Variants in CD58 observed in about 807,000 individuals in gnomAD.
The protein encoded by CD58 is CD58 molecule.
CD58 carries 14 observed loss-of-function variants against 27.6 expected under a neutral mutation model. The observed-to-expected ratio is 0.51, with a 90% CI of 0.34 to 0.79. CD58 has a LOEUF of 0.79. Ranked by LOEUF, CD58 falls within the 30% of genes least tolerant of loss-of-function variation. The pLI, the probability that CD58 is intolerant of heterozygous loss-of-function variation, is 0.02. For missense variants in CD58, 268 were observed against 301.7 expected (o/e 0.89, Z 0.83); for synonymous variants, 117 against 103.8 (o/e 1.13, Z -0.77).
At chr1:116,568,824 G>C (rs1659031035) in intron 1 of CD58, among the ~76,000 whole-genome samples, 1 of 152,236 alleles carries the variant, frequency 6.6e-6, no homozygotes. Context: ...CTCAGGTGAG[G>C]AGTGGGGCCA....
At position 116,515,061 on chromosome 1, in the gene CD58, G is replaced by C. The variant is rs1389486176; in HGVS notation, c.744-239C>G. Among the ~76,000 whole-genome samples the C allele has an allele frequency of 6.6e-6, 1 of 152,168 alleles. No individual in the cohort carries two copies. The highest frequency in any genetic ancestry group is 1.5e-5 in the Non-Finnish European group (1 of 68,026). ...TGCTGCACTCAATAGCAGCCCCAAG[G>C]CTCCTCCCGCTTACTCTCTGAGTAT... On this transcript the variant is annotated intron_variant, in intron 5 of 5. Transcript: ENST00000369489. The surrounding 1 kb of genome is among the most constrained non-coding windows in gnomAD (Gnocchi z 4.6).
rs1190938061 is a variant in CD58, at chr1:116,531,441, GC to G, written c.628+4523del. On this transcript the variant is annotated intron_variant, in intron 3 of 5. Transcript: ENST00000369489. The surrounding 1 kb of genome is among the most constrained non-coding windows in gnomAD (Gnocchi z 4.5). The stretch of plus-strand genomic sequence containing the variant: ...AGATGCAGCACACATATACCAAAAG[GC>G]AAAAGCACACTGGTTTTATTTTTTG... Among the ~76,000 whole-genome samples the G allele has an allele frequency of 6.6e-6, 1 of 152,122 alleles. No individual in the cohort carries two copies. The highest frequency in any genetic ancestry group is 2.4e-5 in the African/African-American group (1 of 41,410).
Position 116,552,670 on chromosome 1 carries a change from C to A in CD58, c.71-8066G>T, listed in dbSNP as rs1410239105. On this transcript the variant is annotated intron_variant, in intron 1 of 5. Transcript: ENST00000369489. The surrounding 1 kb of genome is among the most constrained non-coding windows in gnomAD (Gnocchi z 4.5). ...TCAACTGGTATAGCTATACTTTATT[C>A]TTTTTAATAACTACATAATATTCCA... Among the ~76,000 whole-genome samples, 4 of 152,136 alleles carry A rather than the reference C, an allele frequency of 2.6e-5. No homozygotes were observed. Among genetic ancestry groups the A allele is most frequent in the Non-Finnish European group, 5.9e-5 (4 of 68,032 alleles).
chr1:116,528,543 G>A lies in CD58; in HGVS notation c.629-6560C>T, dbSNP rs1657496444. ...TTTTATGTTCTTGGTCCATAAATGT[G>A]TACAACAGTTGGAAACTGGTACTCT... is the stretch of plus-strand genomic sequence containing the variant. On this transcript the variant is annotated intron_variant, in intron 3 of 5. Coordinates refer to ENST00000369489, the MANE Select transcript of CD58 (RefSeq NM_001779.3). The surrounding 1 kb of genome is among the most constrained non-coding windows in gnomAD (Gnocchi z 4.4). Among the ~76,000 whole-genome samples the A allele has an allele frequency of 6.6e-6, 1 of 152,154 alleles. No individual in the cohort carries two copies. Among genetic ancestry groups the A allele is most frequent in the African/African-American group, 2.4e-5 (1 of 41,428 alleles).
At chr1:116,558,755 A>G (rs190086313) in intron 1 of CD58, among the ~76,000 whole-genome samples, 24 of 152,354 alleles carry the variant, frequency 1.6e-4, no homozygotes, top group African/African-American at 5.3e-4. Flanking sequence ...GCTCAGCCTC[A>G]GTAATAATAT....
At position 116,519,197 on chromosome 1, in the gene CD58, C is replaced by T. The variant is rs1260573090; in HGVS notation, c.743+34G>A. The T allele has an allele frequency of 6.2e-7, 1 of 1,611,394 alleles. No individual in the cohort carries two copies. Among genetic ancestry groups the T allele is most frequent in the Non-Finnish European group, 8.5e-7 (1 of 1,178,716 alleles). ...CATCTACAGCAGGGCTGCTGTTGTTCTGGCACAGAGTGCACAGCCTGCAGT... is the reference window on the plus strand; with the variant it reads ...CATCTACAGCAGGGCTGCTGTTGTTTTGGCACAGAGTGCACAGCCTGCAGT... On this transcript the variant is annotated intron_variant, in intron 5 of 5. Transcript: ENST00000369489. This position sits in a 1 kb window ranked among gnomAD's most constrained non-coding sequence, Gnocchi z 4.7.
chr1:116,514,625 A>G lies in CD58; in HGVS notation c.*188T>C, dbSNP rs1571052375. ...ACAAAAAAAGCAAGCACCTAGTCATATAATAAGTTGATGACAGCCAAAACT... is the reference window on the plus strand; with the variant it reads ...ACAAAAAAAGCAAGCACCTAGTCATGTAATAAGTTGATGACAGCCAAAACT... On this transcript the variant is annotated 3_prime_UTR_variant, in exon 6 of 6. Coordinates refer to ENST00000369489, the MANE Select transcript of CD58 (RefSeq NM_001779.3). 1.9e-6 allele frequency: 1 copy of G among 529,966 alleles called. No homozygotes were observed. Among genetic ancestry groups the G allele is most frequent in the Admixed American group, 3.8e-5 (1 of 26,268 alleles). The allele number at this position is 529,966 out of a possible 1,614,324, so 32.8% of individuals were successfully genotyped here.
Position 116,531,541 on chromosome 1 carries a change from G to A in CD58, c.628+4424C>T, listed in dbSNP as rs1657607991. ...CCATATCGTATGCCTTGGGTATTAT[G>A]TAACACTCAAAAGGTGGAATTAATA... On this transcript the variant is annotated intron_variant, in intron 3 of 5. Coordinates refer to ENST00000369489, the MANE Select transcript of CD58 (RefSeq NM_001779.3). The surrounding 1 kb of genome is among the most constrained non-coding windows in gnomAD (Gnocchi z 4.5). 6.6e-6 allele frequency among the ~76,000 whole-genome samples: 1 copy of A among 152,054 alleles called. No homozygotes were observed. Among genetic ancestry groups the A allele is most frequent in the South Asian group, 2.1e-4 (1 of 4,832 alleles).
In CD58 at chr1:116,528,247, C is replaced by T. The variant is rs1409568615; in HGVS notation, c.629-6264G>A. Among the ~76,000 whole-genome samples, 1 of 152,222 alleles carries T rather than the reference C, an allele frequency of 6.6e-6. No individual in the cohort carries two copies. The highest frequency in any genetic ancestry group is 2.4e-5 in the African/African-American group (1 of 41,458). On this transcript the variant is annotated intron_variant, in intron 3 of 5. Transcript: ENST00000369489. The surrounding 1 kb of genome is among the most constrained non-coding windows in gnomAD (Gnocchi z 4.4). ...TATTCTTAACATTCTTTATCTCAGT[C>T]TACATAATATTATTTCCTATGTTGC...
rs116578964 is a variant in CD58 at position 116,570,885 on chromosome 1, G to C, written c.70+18C>G. ...ACCCGCCGGCCGGCGCGGGGCCCCT[G>C]GGGCAGGCTTCACTCACCAAAGCAG... is the stretch of plus-strand genomic sequence containing the variant. On this transcript the variant is annotated intron_variant, in intron 1 of 5. Transcript: ENST00000369489. The surrounding 1 kb of genome is among the most constrained non-coding windows in gnomAD (Gnocchi z 6.4). The C allele has an allele frequency of 2.6e-6, 4 of 1,543,782 alleles. No homozygotes were observed. The African/African-American group carries it at 5.5e-5, about 21-fold the overall frequency.
At chr1:116,542,445 T>G (rs753892554) in intron 2 of CD58, among the ~76,000 whole-genome samples, 5 of 151,868 alleles carry the variant, frequency 3.3e-5, no homozygotes, top group Non-Finnish European at 7.4e-5. Flanking sequence ...TCTAGAGGAG[T>G]TTTGGCATAG....
At chr1:116,549,072 A>T (rs138639620) in intron 1 of CD58, among the ~76,000 whole-genome samples, 74 of 152,350 alleles carry the variant, frequency 4.9e-4, no homozygotes, top group East Asian at 1.9e-3. Context: ...TCCCACATTC[A>T]GGATGGGATT....
intron 1 of CD58, among the ~76,000 whole-genome samples, chr1:116,545,366 GCCAGCACAGA>G (rs562165505): frequency 2.8e-4 from 42 of 152,206 alleles, no homozygotes; most frequent in Non-Finnish European, 5.7e-4. Flanking sequence ...GCTGACAGGG[GCCAGCACAGA>G]GGCAGGGAAA....
chr1:116,521,833 C>A lies in CD58; in HGVS notation c.706+73G>T, dbSNP rs1275358962. 7.4e-6 allele frequency: 7 copies of A among 947,722 alleles called. No individual in the cohort carries two copies. Among genetic ancestry groups the A allele is most frequent in the African/African-American group, 3.3e-5 (2 of 60,164 alleles). The allele number at this position is 947,722 out of a possible 1,614,324, so 58.7% of individuals were successfully genotyped here. On this transcript the variant is annotated intron_variant, in intron 4 of 5. Transcript: ENST00000369489. This position sits in a 1 kb window ranked among gnomAD's most constrained non-coding sequence, Gnocchi z 5.6. ...CTAAAATTTCAAACTTTATTTTCAT[C>A]CTTAAACTATTTTCTGACCTTTGGA...
chr1:116,564,788 C>T (rs1044384881), intron 1 of CD58, among the ~76,000 whole-genome samples: 7 of 152,194 alleles, frequency 4.6e-5, no homozygotes, highest in African/African-American at 1.7e-4. Context: ...GGTGGGAACA[C>T]AGAGCCAAAC....
In CD58 at chr1:116,545,617, G is replaced by A. The variant is rs139480606; in HGVS notation, c.71-1013C>T. On this transcript the variant is annotated intron_variant, in intron 1 of 5. Coordinates refer to ENST00000369489, the MANE Select transcript of CD58 (RefSeq NM_001779.3). The stretch of plus-strand genomic sequence containing the variant: ...AACAATGGCTGGGAAGCAAGTCGAG[G>A]GTGTGATGAAGATTAAGAACTCAGG... Among the ~76,000 whole-genome samples, 110 of 152,246 alleles carry A rather than the reference G, an allele frequency of 7.2e-4. 1 individual carries two copies. The East Asian group carries it at 0.019, about 27-fold the overall frequency.
rs1261409193 is a variant in CD58, at chr1:116,550,572, T to C, written c.71-5968A>G. Among the ~76,000 whole-genome samples, 1 of 152,198 alleles carries C rather than the reference T, an allele frequency of 6.6e-6. No individual in the cohort carries two copies. The highest frequency in any genetic ancestry group is 1.5e-5 in the Non-Finnish European group (1 of 68,046). ...TCATCCATGAGGATCGGAATCAAAT[T>C]CTTCCAAACTCCTGTTAATATTGAT... On this transcript the variant is annotated intron_variant, in intron 1 of 5. Coordinates refer to ENST00000369489, the MANE Select transcript of CD58 (RefSeq NM_001779.3). The surrounding 1 kb of genome is among the most constrained non-coding windows in gnomAD (Gnocchi z 4.2).
intron 1 of CD58, among the ~76,000 whole-genome samples, chr1:116,555,382 A>C (rs1165644772): frequency 1.3e-5 from 2 of 152,206 alleles, no homozygotes; most frequent in African/African-American, 4.8e-5. Flanking sequence ...GAGTTAGGTC[A>C]ACATCAAGGT....
rs1328156890 is a variant in CD58 at position 116,515,761 on chromosome 1, A to G, written c.744-939T>C. ...TCCCTGCTTCCTTTTTAATTTGGCT[A>G]ACTTTGTGATCTGTTTTCTAGACAC... is the stretch of plus-strand genomic sequence containing the variant. On this transcript the variant is annotated intron_variant, in intron 5 of 5. Coordinates refer to ENST00000369489, the MANE Select transcript of CD58 (RefSeq NM_001779.3). The surrounding 1 kb of genome is among the most constrained non-coding windows in gnomAD (Gnocchi z 4.6). Among the ~76,000 whole-genome samples, 1 of 152,142 alleles carries G rather than the reference A, an allele frequency of 6.6e-6. No individual in the cohort carries two copies. Among genetic ancestry groups the G allele is most frequent in the South Asian group, 2.1e-4 (1 of 4,828 alleles).
Sources: gnomAD v4.1 joint callset for allele counts (sites outside exome capture counted in the v4.1 genomes callset) on GRCh38, gnomAD v4.1.1 for gene constraint, Gnocchi (gnomAD v3.1) non-coding constraint, MANE v1.5 for transcripts, NCBI Gene and HGNC (gene_info 2026-07-23, HGNC 2026-07-21) for gene names.